The following FHIT variants were observed in gnomAD, a reference collection of about 807,000 sequenced individuals.
The protein encoded by FHIT is bis(5'-adenosyl)-triphosphatase.
FHIT carries 19 observed loss-of-function variants against 17.9 expected under a neutral mutation model. The ratio of observed to expected loss-of-function variants is 1.06; its 90% CI spans 0.74 to 1.56. The LOEUF is 1.56. Among genes scored for constraint, FHIT ranks in the 40% most tolerant of loss-of-function variants. The pLI is 0.00. For missense variants in FHIT, 248 were observed against 189.2 expected, an observed-to-expected ratio of 1.31 and a Z score of -1.82; for synonymous variants, 81 against 69.7, an observed-to-expected ratio of 1.16 and a Z score of -0.81.
chr3:61,173,796 T>G (rs144531607), intron 2 of FHIT, among the ~76,000 whole-genome samples: 2,053 of 152,306 alleles, frequency 0.013, 18 homozygotes, highest in Middle Eastern at 0.061. Context: ...ACACACATCT[T>G]AACAGCAGTC....
intron 4 of FHIT, among the ~76,000 whole-genome samples, chr3:60,554,954 A>T (rs2036694091): frequency 6.6e-6 from 1 of 152,116 alleles, no homozygotes; most frequent in Admixed American, 6.5e-5. Context: ...CTATAGACTT[A>T]CTCCTATTTT....
At chr3:60,415,608 A>T (rs997126032) in intron 5 of FHIT, among the ~76,000 whole-genome samples, 1 of 152,156 alleles carries the variant, frequency 6.6e-6, no homozygotes, top group South Asian at 2.1e-4. Context: ...ATATGAATCA[A>T]TAAGAGAATC....
intron 4 of FHIT, among the ~76,000 whole-genome samples, chr3:60,561,929 A>AG (rs1472038660): frequency 6.7e-6 from 1 of 148,714 alleles, no homozygotes; most frequent in African/African-American, 2.5e-5. Context: ...AGAGAGAAAG[A>AG]AAAAGAGAAA....
intron 5 of FHIT, among the ~76,000 whole-genome samples, chr3:60,304,379 GACC>G (rs1708581302): frequency 6.6e-6 from 1 of 151,804 alleles, no homozygotes; most frequent in Non-Finnish European, 1.5e-5. Context: ...TGGAGCAAAT[GACC>G]ACCACACCTC....
At chr3:60,147,491 G>C in intron 5 of FHIT, among the ~76,000 whole-genome samples, 1 of 152,216 alleles carries the variant, frequency 6.6e-6, no homozygotes, top group Middle Eastern at 3.4e-3. Context: ...CGCCACCGTG[G>C]GTGTCATAAT....
At chr3:60,096,690 T>C (rs969633491) in intron 5 of FHIT, among the ~76,000 whole-genome samples, 14 of 152,182 alleles carry the variant, frequency 9.2e-5, no homozygotes, top group Admixed American at 9.2e-4. Flanking sequence ...TTTTGTTCTG[T>C]GTGTTTCCTT....
At chr3:60,130,430 T>A (rs1358547138) in intron 5 of FHIT, among the ~76,000 whole-genome samples, 2 of 152,162 alleles carry the variant, frequency 1.3e-5, no homozygotes, top group Admixed American at 6.6e-5. Flanking sequence ...ATCCTCATTA[T>A]GTCACTGAGA....
chr3:60,139,947 C>T (rs1201188752), intron 5 of FHIT, among the ~76,000 whole-genome samples: 3 of 151,970 alleles, frequency 2.0e-5, no homozygotes, highest in African/African-American at 4.8e-5. Context: ...GATGGTGAAA[C>T]CCTGTCTCTA....
At chr3:60,515,248 G>A (rs2035108403) in intron 5 of FHIT, among the ~76,000 whole-genome samples, 1 of 152,204 alleles carries the variant, frequency 6.6e-6, no homozygotes, top group Admixed American at 6.5e-5. Context: ...CAGCTGGCAG[G>A]AAGGCTGCAG....
In FHIT at chr3:60,675,763, T is replaced by C. The variant is rs144329836; in HGVS notation, c.-17-138784A>G. Among the ~76,000 whole-genome samples the C allele has an allele frequency of 3.7e-3, 562 of 152,328 alleles. 2 individuals are homozygous for C. Among genetic ancestry groups the C allele is most frequent in the Non-Finnish European group, 6.4e-3 (434 of 68,030 alleles). On this transcript the variant is annotated intron_variant, in intron 4 of 9. Transcript: ENST00000492590. Reference sequence around the variant, plus strand: ...AATGCATCTGATTTGAAATAAACTTTCTTTGTACCATTTTTAGGTTCTGTA... The same window carrying C: ...AATGCATCTGATTTGAAATAAACTTCCTTTGTACCATTTTTAGGTTCTGTA...
chr3:61,005,207 T>G (rs11706083), intron 3 of FHIT, among the ~76,000 whole-genome samples: 1 of 152,246 alleles, frequency 6.6e-6, no homozygotes, highest in Non-Finnish European at 1.5e-5. Flanking sequence ...ATCTCAGATC[T>G]GTCAAATTCC....
intron 5 of FHIT, among the ~76,000 whole-genome samples, chr3:60,419,634 G>A (rs1384546848): frequency 6.6e-6 from 1 of 152,150 alleles, no homozygotes; most frequent in African/African-American, 2.4e-5. Context: ...CATGTGTGGT[G>A]TGTATTTTCC....
chr3:60,038,890 G>C (rs68193925), intron 5 of FHIT, among the ~76,000 whole-genome samples: 25,073 of 152,122 alleles, frequency 0.16, 2,205 homozygotes, highest in Middle Eastern at 0.19. Flanking sequence ...CTAATGCTGT[G>C]TAACAAACTA....
At chr3:60,001,601 T>C (rs764093888) in intron 7 of FHIT, among the ~76,000 whole-genome samples, 5 of 152,116 alleles carry the variant, frequency 3.3e-5, no homozygotes, top group Non-Finnish European at 5.9e-5. Flanking sequence ...TTTCCAGGTA[T>C]AGAGGAAGAT....
chr3:60,866,237 C>T (rs1704154558), intron 3 of FHIT, among the ~76,000 whole-genome samples: 1 of 152,170 alleles, frequency 6.6e-6, no homozygotes, highest in Non-Finnish European at 1.5e-5. Flanking sequence ...AGTTTTGCCT[C>T]TTGGTATTCA....
At chr3:60,553,025 T>A (rs1326116906) in intron 4 of FHIT, among the ~76,000 whole-genome samples, 4 of 152,198 alleles carry the variant, frequency 2.6e-5, no homozygotes, top group Admixed American at 6.5e-5. Context: ...TGGCGCCCTG[T>A]CCAGGGTGGG....
intron 8 of FHIT, among the ~76,000 whole-genome samples, chr3:59,778,193 T>G (rs1326297991): frequency 6.6e-6 from 1 of 152,206 alleles, no homozygotes; most frequent in Non-Finnish European, 1.5e-5. Flanking sequence ...GCACCATTTA[T>G]TTAGAAGCTC....
At chr3:60,115,173 A>G (rs934021740) in intron 5 of FHIT, among the ~76,000 whole-genome samples, 2 of 152,188 alleles carry the variant, frequency 1.3e-5, no homozygotes, top group African/African-American at 4.8e-5. Context: ...AAAATGAAAC[A>G]TAACGCCCCA....
chr3:60,969,725 A>G (rs1206330580), intron 3 of FHIT, among the ~76,000 whole-genome samples: 1 of 152,208 alleles, frequency 6.6e-6, no homozygotes, highest in African/African-American at 2.4e-5. Context: ...ACATTTGTTC[A>G]GAAGTGCTTA....
Sources: allele counts gnomAD v4.1 joint callset (sites outside exome capture counted in the v4.1 genomes callset), GRCh38; gene constraint gnomAD v4.1.1; transcripts MANE v1.5; gene names NCBI Gene and HGNC (gene_info 2026-07-23, HGNC 2026-07-21).